The following ALKBH1 variants were observed in gnomAD, a reference collection of about 807,000 sequenced individuals.
The protein encoded by ALKBH1 is alkB homolog 1, histone H2A dioxygenase, also known as nucleic acid dioxygenase ALKBH1.
ALKBH1 carries 31 observed loss-of-function variants against 36.6 expected under a neutral mutation model. The observed-to-expected ratio is 0.85, with a 90% CI of 0.64 to 1.14. The LOEUF (loss-of-function observed/expected upper bound fraction) is 1.14, where lower values mean the gene tolerates loss of function less well. Ranked by LOEUF, ALKBH1 falls within the 50% of genes most tolerant of loss-of-function variation. The pLI is 0.00. For synonymous variants in ALKBH1, 183 were observed against 186.6 expected (o/e 0.98, Z 0.16); for missense variants, 490 against 497.3 (o/e 0.99, Z 0.14).
At chr14:77,680,806 A>G (rs1271067934) in intron 3 of ALKBH1, among the ~76,000 whole-genome samples, 1 of 151,690 alleles carries the variant, frequency 6.6e-6, no homozygotes, top group African/African-American at 2.4e-5. Flanking sequence ...CAGCCTCCCA[A>G]GTAGCTGGGA....
At chr14:77,687,899 G>A (rs1238737081) in intron 3 of ALKBH1, among the ~76,000 whole-genome samples, 2 of 101,686 alleles carry the variant, frequency 2.0e-5, no homozygotes, top group Non-Finnish European at 4.1e-5. Context: ...GCCTTTACGT[G>A]TAACTCCTCA....
intron 3 of ALKBH1, among the ~76,000 whole-genome samples, chr14:77,690,315 T>C (rs574972958): frequency 2.9e-4 from 44 of 152,388 alleles, no homozygotes; most frequent in Middle Eastern, 6.8e-3. Flanking sequence ...CCAGGTCATA[T>C]TGGCCTTACA....
At chr14:77,692,916 A>AATT (rs1555384383) in intron 3 of ALKBH1, among the ~76,000 whole-genome samples, 2 of 150,716 alleles carry the variant, frequency 1.3e-5, no homozygotes, top group South Asian at 4.2e-4. Context: ...AAAAAAAAAA[A>AATT]TTTTTTTGGG....
At chr14:77,691,160 AAAAAG>A (rs1354118612) in intron 3 of ALKBH1, among the ~76,000 whole-genome samples, 1 of 152,238 alleles carries the variant, frequency 6.6e-6, no homozygotes, top group Non-Finnish European at 1.5e-5. Flanking sequence ...ACTTTGGAAA[AAAAAG>A]AACAGAATTG....
chr14:77,682,546 T>C (rs2080243615), intron 3 of ALKBH1, among the ~76,000 whole-genome samples: 2 of 152,148 alleles, frequency 1.3e-5, no homozygotes. Context: ...GATGATGATC[T>C]TATGAATATT....
At chr14:77,695,657 T>C (rs2080322817) in intron 2 of ALKBH1, among the ~76,000 whole-genome samples, 2 of 152,086 alleles carry the variant, frequency 1.3e-5, no homozygotes, top group African/African-American at 2.4e-5. Context: ...CTTCCTGCAG[T>C]TACTGTCTCT....
rs575303202 is a variant in ALKBH1 at position 77,675,784 on chromosome 14, G to A, written c.612C>T (p.Ala204=). The part of the protein sequence containing the change: ...SDLGFLSEQV[A]AACGFEDFRA... ...GGAAATCCTCAAATCCACAGGCAGC[G>A]GCTACTTGCTCTGAGAGGAAACCCA... Residue 204 remains alanine, a synonymous_variant, in exon 5 of 6, where the codon GCC becomes GCT. Coordinates refer to ENST00000216489, the MANE Select transcript of ALKBH1 (RefSeq NM_006020.3). 15 of 1,614,046 alleles carry A rather than the reference G, an allele frequency of 9.3e-6. No homozygotes were observed. The highest frequency in any genetic ancestry group is 1.3e-5 in the Non-Finnish European group (15 of 1,179,988).
At chr14:77,699,861 T>C (rs572842810) in intron 2 of ALKBH1, among the ~76,000 whole-genome samples, 5 of 152,220 alleles carry the variant, frequency 3.3e-5, no homozygotes, top group Admixed American at 2.0e-4. Flanking sequence ...AAGACCATCC[T>C]GGCTAACACA....
At chr14:77,676,720 C>T (rs1296242923) in intron 4 of ALKBH1, among the ~76,000 whole-genome samples, 2 of 152,172 alleles carry the variant, frequency 1.3e-5, no homozygotes, top group Non-Finnish European at 2.9e-5. Context: ...TCTCTCTGTA[C>T]TATCTTCTCA....
chr14:77,698,005 T>C (rs1004015367), intron 2 of ALKBH1, among the ~76,000 whole-genome samples: 1 of 151,352 alleles, frequency 6.6e-6, no homozygotes, highest in African/African-American at 2.4e-5. Flanking sequence ...AAAAACAGAC[T>C]GCCTCAAAAG....
Position 77,675,686 on chromosome 14 carries a change from A to G in ALKBH1, c.710T>C (p.Leu237Pro), listed in dbSNP as rs780826291. 1 of 1,614,168 alleles carries G rather than the reference A, an allele frequency of 6.2e-7. No individual in the cohort carries two copies. The highest frequency in any genetic ancestry group is 8.5e-7 in the Non-Finnish European group (1 of 1,180,004). The change falls in exon 5 of 6, where the codon CTA becomes CCA. Residue 237 changes from leucine (L) to proline (P), a missense_variant. Transcript: ENST00000216489. Reference protein sequence around the residue: ...TLGIHVDRSELDHSKPLLSFS... With the variant: ...TLGIHVDRSEPDHSKPLLSFS... Reference sequence around the variant, plus strand: ...TGACAGCAAGGGTTTGGAGTGATCTAGCTCAGATCTGTCTACGTGGATTCC... The same window carrying G: ...TGACAGCAAGGGTTTGGAGTGATCTGGCTCAGATCTGTCTACGTGGATTCC...
In ALKBH1 at chr14:77,683,243, G is replaced by T. The variant is rs141936659; in HGVS notation, c.456-3273C>A. The T allele has an allele frequency of 1.6e-4, 120 of 767,934 alleles. 4 individuals carry two copies. The African/African-American group carries it at 1.8e-3, about 11-fold the overall frequency. 47.6% of individuals were successfully genotyped at this position (767,934 alleles called of 1,614,324 possible). ...TAGAGAATAGGTTCCAGCAGCTCAGGCTCCTTCCCATTTGTTCTCACAAAG... is the reference window on the plus strand; with the variant it reads ...TAGAGAATAGGTTCCAGCAGCTCAGTCTCCTTCCCATTTGTTCTCACAAAG... On this transcript the variant is annotated intron_variant, in intron 3 of 5. Transcript: ENST00000216489.
chr14:77,694,746 C>A lies in ALKBH1; in HGVS notation c.447G>T (p.Glu149Asp). 1 of 1,587,360 alleles carries A rather than the reference C, an allele frequency of 6.3e-7. No homozygotes were observed. Among genetic ancestry groups the A allele is most frequent in the Non-Finnish European group, 8.6e-7 (1 of 1,169,554 alleles). ...TGATTGACAAGACTTACCTCAGGAA[C>A]TCTTTGCTCTGTTCCCACAGATCTT... ...ETQDLWEQSK[E>D]FLRYKEATKR... The change falls in exon 3 of 6, where the codon GAG becomes GAT. Residue 149 changes from glutamate to aspartate, a missense_variant. Transcript: ENST00000216489.
At chr14:77,681,493 A>G (rs894436756) in intron 3 of ALKBH1, among the ~76,000 whole-genome samples, 1 of 152,232 alleles carries the variant, frequency 6.6e-6, no homozygotes, top group Non-Finnish European at 1.5e-5. Context: ...AGTTTACAGA[A>G]TAGATGCTAT....
At chr14:77,704,647 A>C (rs548166476) in intron 1 of ALKBH1, among the ~76,000 whole-genome samples, 170 bp from the exon 2 acceptor site, 8 of 152,208 alleles carry the variant, frequency 5.3e-5, no homozygotes, top group Non-Finnish European at 8.8e-5. Context: ...ATCATAGTTC[A>C]CTGCAGCCTC....
chr14:77,680,677 C>CTTTTTTTTTTTTTTT (rs1555383644), intron 3 of ALKBH1, among the ~76,000 whole-genome samples: 4 of 124,348 alleles, frequency 3.2e-5, no homozygotes, highest in South Asian at 2.5e-4. Context: ...ATTAACTACT[C>CTTTTTTTTTTTTTTT]TTTTTTTTTT....
Position 77,675,838 on chromosome 14 carries a change from T to A in ALKBH1, c.558A>T (p.Ala186=), listed in dbSNP as rs1198555922. ...HYNWDSKKYS[A]DHYTPFPSDL... Reference sequence around the variant, plus strand: ...CAGAAGGGAAAGGTGTGTAATGATCTGCTGAGTATTTCTTTGGTAAATGTA... The same window carrying A: ...CAGAAGGGAAAGGTGTGTAATGATCAGCTGAGTATTTCTTTGGTAAATGTA... The change falls in exon 5 of 6, where the codon GCA becomes GCT. Residue 186 remains alanine, a synonymous_variant. Transcript: ENST00000216489. 1 of 1,612,752 alleles carries A rather than the reference T, an allele frequency of 6.2e-7. No individual in the cohort carries two copies. Among genetic ancestry groups the A allele is most frequent in the South Asian group, 1.1e-5 (1 of 91,050 alleles).
Position 77,679,901 on chromosome 14 carries a change from G to A in ALKBH1, c.525C>T (p.Tyr175=). 2 of 1,614,044 alleles carry A rather than the reference G, an allele frequency of 1.2e-6. No individual in the cohort carries two copies. The highest frequency in any genetic ancestry group is 1.7e-6 in the Non-Finnish European group (2 of 1,179,912). ...ATACCTTACTGTCCCAGTTATAATG[G>A]TAGCCTACGGTCACCCAACGCAGTT... ...LEKLRWVTVG[Y]HYNWDSKKYS... is the part of the protein sequence containing the mutation. The change falls in exon 4 of 6, where the codon TAC becomes TAT. Residue 175 remains tyrosine (Y), a synonymous_variant. Transcript: ENST00000216489.
In ALKBH1 at chr14:77,694,934, G is replaced by A. The variant is rs758355679; in HGVS notation, c.293-34C>T. ...AAGATGGGTGGGAAAAAAAGAAGAG[G>A]GGGAAATTCTCCATCAGTTATTCAA... On this transcript the variant is annotated intron_variant, in intron 2 of 5. Transcript: ENST00000216489. 4.9e-6 allele frequency: 7 copies of A among 1,440,690 alleles called. No individual in the cohort carries two copies. The East Asian group carries it at 1.5e-4, about 31-fold the overall frequency. 89.2% of individuals were successfully genotyped at this position (1,440,690 alleles called of 1,614,324 possible). A position where few individuals can be genotyped will look rare whatever the true frequency, so the allele number is the denominator to read the frequency against.
Sources: allele counts gnomAD v4.1 joint callset (sites outside exome capture counted in the v4.1 genomes callset), GRCh38; gene constraint gnomAD v4.1.1; transcripts MANE v1.5; gene names NCBI Gene and HGNC (gene_info 2026-07-23, HGNC 2026-07-21).